Variants in TAF8 observed in about 807,000 individuals in gnomAD.
The protein encoded by TAF8 is TATA-box binding protein associated factor 8, also known as transcription initiation factor TFIID subunit 8.
Under a neutral mutation model 36.5 loss-of-function variants are expected in TAF8, and 47 were observed. That is an observed-to-expected ratio of 1.29 (90% CI 1.02 to 1.64). The LOEUF is 1.64. TAF8 is among the 40% of genes most tolerant of loss of function. The probability of loss-of-function intolerance (pLI) is 0.00; values close to 1 mark genes in which losing one functional copy is unlikely to be tolerated. For missense variants in TAF8, 420 were observed against 407.6 expected, an observed-to-expected ratio of 1.03 and a Z score of -0.26; for synonymous variants, 175 against 159.5, an observed-to-expected ratio of 1.10 and a Z score of -0.73.
In TAF8 at chr6:42,056,026, T is replaced by C. The variant is rs1202490497; in HGVS notation, c.364+12T>C. The C allele has an allele frequency of 1.0e-5, 16 of 1,582,974 alleles. No homozygotes were observed. The highest frequency in any genetic ancestry group is 1.4e-5 in the Non-Finnish European group (16 of 1,151,716). Reference sequence around the variant, plus strand: ...GGTCATCACTGCTCGTAAGTGACTTTGAACTGAGGTACTTAGCAATTTTTC... The same window carrying C: ...GGTCATCACTGCTCGTAAGTGACTTCGAACTGAGGTACTTAGCAATTTTTC... On this transcript the variant is annotated intron_variant, in intron 4 of 8. Transcript: ENST00000372977.
At chr6:42,057,365 T>C in intron 4 of TAF8, 24 bp from the exon 5 acceptor site, 3 of 1,613,660 alleles carry the variant, frequency 1.9e-6, no homozygotes, top group Non-Finnish European at 2.5e-6. Flanking sequence ...GGTGGAGGGG[T>C]AATCAGTTGT....
rs530769869 is a variant in TAF8 at position 42,066,416 on chromosome 6, C to T, written c.594C>T (p.Gly198=). ...RALTRFMAKT[G]ETQSLFKDDV... is the part of the protein sequence containing the mutation. ...TTACCCGTTTCATGGCCAAGACAGGCGAGACTCAGAGTCTTTTCAAAGATG... is the reference window on the plus strand; with the variant it reads ...TTACCCGTTTCATGGCCAAGACAGGTGAGACTCAGAGTCTTTTCAAAGATG... The change falls in exon 6 of 9, where the codon GGC becomes GGT. Residue 198 remains glycine, a synonymous_variant. Transcript: ENST00000372977. The T allele has an allele frequency of 5.6e-6, 9 of 1,614,180 alleles. No individual in the cohort carries two copies. The highest frequency in any genetic ancestry group is 3.3e-5 in the South Asian group (3 of 91,082).
chr6:42,073,803 C>T (rs9349216), intron 7 of TAF8, among the ~76,000 whole-genome samples: 89,527 of 151,968 alleles, frequency 0.59, 26,562 homozygotes, highest in East Asian at 0.67. Flanking sequence ...TCTTAAAGCA[C>T]CACTCTGATG....
At chr6:42,068,105 G>A (rs1011988298) in intron 6 of TAF8, among the ~76,000 whole-genome samples, 5 of 152,174 alleles carry the variant, frequency 3.3e-5, no homozygotes, top group Non-Finnish European at 7.3e-5. Context: ...CAAAACTTAT[G>A]TGTTGCTAGG....
chr6:42,069,969 G>T (rs1765509369), intron 7 of TAF8, among the ~76,000 whole-genome samples: 1 of 152,182 alleles, frequency 6.6e-6, no homozygotes, highest in Non-Finnish European at 1.5e-5. Context: ...GTCCAAAGCT[G>T]TGGGTGGCTC....
At chr6:42,084,105 C>T (rs868504763), downstream of TAF8, among the ~76,000 whole-genome samples, 38 of 147,190 alleles carry the variant, frequency 2.6e-4, no homozygotes, top group Middle Eastern at 7.3e-3. Flanking sequence ...GGCCTGAACC[C>T]GGGAGGCGGA....
At chr6:42,069,053 T>A (rs1765470894) in intron 7 of TAF8, among the ~76,000 whole-genome samples, 1 of 151,602 alleles carries the variant, frequency 6.6e-6, no homozygotes, top group Non-Finnish European at 1.5e-5. Flanking sequence ...GGGCAGCAGA[T>A]GCAAAGGCCC....
chr6:42,058,757 A>G (rs1765093132), intron 5 of TAF8, among the ~76,000 whole-genome samples: 2 of 152,076 alleles, frequency 1.3e-5, no homozygotes, highest in Admixed American at 6.6e-5. Flanking sequence ...ACAGAAATTT[A>G]TTGTCTCACA....
intron 6 of TAF8, among the ~76,000 whole-genome samples, chr6:42,067,782 C>T (rs977212963): frequency 6.6e-6 from 1 of 151,880 alleles, no homozygotes; most frequent in Non-Finnish European, 1.5e-5. Context: ...CCAGGCTGGT[C>T]TCAAACTCCT....
In TAF8 at chr6:42,083,081, C is replaced by T. The variant is rs1181193694; in HGVS notation, c.*5536C>T. On this transcript the variant is annotated 3_prime_UTR_variant, in exon 9 of 9. Coordinates refer to ENST00000372977, the MANE Select transcript of TAF8 (RefSeq NM_138572.3). ...AAAGATATAAGTGATAACAAAATAT[C>T]TTCCTCCTCCCCTGTTTCCCAGAGG... The T allele has an allele frequency of 6.6e-6, 1 of 152,186 alleles. No homozygotes were observed. The highest frequency in any genetic ancestry group is 1.5e-5 in the Non-Finnish European group (1 of 68,036). The allele number at this position is 152,186 out of a possible 1,614,324, so 9.4% of individuals were successfully genotyped here.
chr6:42,051,226 A>AAT, intron 1 of TAF8, 131 bp from the exon 2 acceptor site: 1 of 1,310,236 alleles, frequency 7.6e-7, no homozygotes, highest in Admixed American at 2.4e-5. Context: ...AAGATCTGTA[A>AAT]ATCTAAACAT....
downstream of TAF8, among the ~76,000 whole-genome samples, chr6:42,085,013 G>A (rs16895221): frequency 0.18 from 27,722 of 152,150 alleles, 3,196 homozygotes; most frequent in African/African-American, 0.32. Flanking sequence ...AAGCTGTTCT[G>A]AGATTCCACG....
At chr6:42,065,261 G>A (rs1223358868) in intron 5 of TAF8, among the ~76,000 whole-genome samples, 2 of 151,322 alleles carry the variant, frequency 1.3e-5, no homozygotes, top group African/African-American at 2.4e-5. Context: ...CAGGAGAATC[G>A]CTTGAACCCA....
intron 6 of TAF8, among the ~76,000 whole-genome samples, chr6:42,066,672 G>A (rs1425291199): frequency 6.6e-6 from 1 of 152,138 alleles, no homozygotes; most frequent in Non-Finnish European, 1.5e-5. Context: ...GGGACTGGCT[G>A]CTTGAGGTCC....
chr6:42,052,692 G>T (rs1174975065), intron 2 of TAF8, among the ~76,000 whole-genome samples: 3 of 152,302 alleles, frequency 2.0e-5, no homozygotes, highest in Non-Finnish European at 4.4e-5. Context: ...AGGCTTTTCT[G>T]CATGTACAAC....
chr6:42,073,214 C>G (rs142171811), intron 7 of TAF8, among the ~76,000 whole-genome samples: 168 of 152,244 alleles, frequency 1.1e-3, no homozygotes, highest in South Asian at 2.5e-3. Context: ...ACATTTGAAC[C>G]AGCTGCTCTC....
downstream of TAF8, chr6:42,087,094 A>C (rs12524651): frequency 2.9e-6 from 1 of 345,854 alleles, no homozygotes; most frequent in Non-Finnish European, 5.4e-6. Flanking sequence ...CTCTGGCTTC[A>C]CAGAATGCTC....
chr6:42,057,906 C>T lies in TAF8; in HGVS notation c.489+393C>T, dbSNP rs1582219426. ...GAAGCTGGCCCCAGTATTGCCTGTC[C>T]TACTAAAACACAAAAGTACATAGCC... On this transcript the variant is annotated intron_variant, in intron 5 of 8. Transcript: ENST00000372977. 2.7e-5 allele frequency: 6 copies of T among 223,266 alleles called. No homozygotes were observed. In the East Asian group the frequency reaches 5.9e-4, roughly 22 times the overall value. 13.8% of individuals were successfully genotyped at this position (223,266 alleles called of 1,614,324 possible). A position where few individuals can be genotyped will look rare whatever the true frequency, so the allele number is the denominator to read the frequency against.
chr6:42,061,834 A>G (rs1004318389), intron 5 of TAF8, among the ~76,000 whole-genome samples: 1 of 152,168 alleles, frequency 6.6e-6, no homozygotes, highest in Non-Finnish European at 1.5e-5. Flanking sequence ...TTTTAATTGG[A>G]TTTTGGAAAG....
Sources: allele counts gnomAD v4.1 joint callset (sites outside exome capture counted in the v4.1 genomes callset), GRCh38; gene constraint gnomAD v4.1.1; transcripts MANE v1.5; gene names NCBI Gene and HGNC (gene_info 2026-07-23, HGNC 2026-07-21).